Variants in GTF3C5 observed in about 807,000 individuals in gnomAD.
The protein encoded by GTF3C5 is general transcription factor IIIC subunit 5.
A neutral mutation model predicts 61.0 loss-of-function variants in GTF3C5; 47 were observed. The ratio of observed to expected loss-of-function variants is 0.77; its 90% CI spans 0.61 to 0.98. The LOEUF (loss-of-function observed/expected upper bound fraction) is 0.98, where lower values mean the gene tolerates loss of function less well. Ranked by LOEUF, GTF3C5 falls within the 50% of genes least tolerant of loss-of-function variation. GTF3C5 has a pLI of 0.00. For missense variants in GTF3C5, 659 were observed against 703.3 expected (o/e 0.94, Z 0.71); for synonymous variants, 295 against 275.4 (o/e 1.07, Z -0.71).
intron 3 of GTF3C5, among the ~76,000 whole-genome samples, chr9:133,045,044 A>G (rs1222128084): frequency 6.6e-6 from 1 of 152,218 alleles, no homozygotes; most frequent in East Asian, 1.9e-4. Context: ...GCATTGTCAA[A>G]TGTAGTCAAA....
At chr9:133,044,732 T>C (rs1850151360) in intron 3 of GTF3C5, among the ~76,000 whole-genome samples, 1 of 152,144 alleles carries the variant, frequency 6.6e-6, no homozygotes, top group African/African-American at 2.4e-5. Flanking sequence ...TCTGTGACTC[T>C]ACACAGCTCT....
Position 133,053,894 on chromosome 9 carries a change from A to G in GTF3C5, c.940A>G (p.Lys314Glu), listed in dbSNP as rs766156676. 2.5e-6 allele frequency: 4 copies of G among 1,613,368 alleles called. No homozygotes were observed. The highest frequency in any genetic ancestry group is 3.4e-6 in the Non-Finnish European group (4 of 1,179,468). ...TGACCCCCGAAAAAACCCAGATGCC[A>G]AGATTTATCAAGTCCTCGATTTCCG... Reference protein sequence around the residue: ...GYDPRKNPDAKIYQVLDFRIR... With the variant: ...GYDPRKNPDAEIYQVLDFRIR... The change falls in exon 6 of 11, where the codon AAG becomes GAG. Residue 314 changes from lysine to glutamate, a missense_variant. Physicochemically the swap from Lys to Glu is moderately conservative, Grantham distance 56. Coordinates refer to ENST00000372097, the MANE Select transcript of GTF3C5 (RefSeq NM_012087.4).
At chr9:133,044,734 C>T (rs1324874807) in intron 3 of GTF3C5, among the ~76,000 whole-genome samples, 1 of 152,178 alleles carries the variant, frequency 6.6e-6, no homozygotes, top group Non-Finnish European at 1.5e-5. Context: ...TGTGACTCTA[C>T]ACAGCTCTCG....
chr9:133,056,488 A>G (rs925012052), intron 9 of GTF3C5, among the ~76,000 whole-genome samples: 5 of 152,204 alleles, frequency 3.3e-5, no homozygotes, highest in Admixed American at 1.3e-4. Flanking sequence ...GAACACATCA[A>G]ATACATCTTG....
intron 1 of GTF3C5, among the ~76,000 whole-genome samples, chr9:133,040,853 AAAC>A (rs1342703224): frequency 6.6e-6 from 1 of 152,234 alleles, no homozygotes; most frequent in Non-Finnish European, 1.5e-5. Context: ...AAAATACATA[AAAC>A]AACAAGTTAT....
chr9:133,031,474 C>G (rs1429687263), intron 1 of GTF3C5, among the ~76,000 whole-genome samples: 1 of 152,128 alleles, frequency 6.6e-6, no homozygotes, highest in Non-Finnish European at 1.5e-5. Context: ...GCCTCAGCCT[C>G]CAGAGTAGCT....
chr9:133,031,852 T>C (rs1023890023), intron 1 of GTF3C5, among the ~76,000 whole-genome samples: 1 of 152,044 alleles, frequency 6.6e-6, no homozygotes. Flanking sequence ...TGAGTAGTTT[T>C]GGTGGGAAGG....
intron 3 of GTF3C5, chr9:133,044,213 T>C: frequency 2.3e-6 from 1 of 429,508 alleles, no homozygotes; most frequent in Non-Finnish European, 4.2e-6. Flanking sequence ...CGTATTGGGA[T>C]TGAATTTAAA....
intron 8 of GTF3C5, 149 bp downstream of exon 8, chr9:133,054,958 A>G (rs1238040567): frequency 5.8e-6 from 9 of 1,551,516 alleles, no homozygotes; most frequent in Non-Finnish European, 7.0e-6. Flanking sequence ...GCCTTCAGAC[A>G]CTGAGGGTGA....
At chr9:133,050,019 T>C (rs1352447635) in intron 3 of GTF3C5, among the ~76,000 whole-genome samples, 1 of 152,218 alleles carries the variant, frequency 6.6e-6, no homozygotes, top group Admixed American at 6.5e-5. Flanking sequence ...AACCCTTGGC[T>C]TTAACCCCTG....
chr9:133,055,243 G>A (rs1474008217), intron 8 of GTF3C5: 2 of 1,483,912 alleles, frequency 1.3e-6, no homozygotes, highest in African/African-American at 1.4e-5. Context: ...GCCCAGCGGG[G>A]GTTGGCGGTT....
intron 3 of GTF3C5, among the ~76,000 whole-genome samples, chr9:133,048,128 T>TAA: frequency 2.1e-5 from 3 of 142,920 alleles, no homozygotes; most frequent in South Asian, 4.4e-4. Flanking sequence ...GACCGTGTTT[T>TAA]AAAAAAAAAA....
intron 1 of GTF3C5, among the ~76,000 whole-genome samples, chr9:133,039,883 C>A (rs890748208): frequency 1.4e-4 from 22 of 152,208 alleles, no homozygotes; most frequent in African/African-American, 5.3e-4. Context: ...CAGACATCTA[C>A]ATGGTACAAG....
intron 1 of GTF3C5, among the ~76,000 whole-genome samples, chr9:133,037,229 T>C (rs1031328175): frequency 1.3e-5 from 2 of 152,140 alleles, no homozygotes; most frequent in Non-Finnish European, 2.9e-5. Flanking sequence ...TATATTACTG[T>C]AAACCACTGA....
upstream of GTF3C5, chr9:133,030,765 C>G: frequency 3.3e-6 from 2 of 608,996 alleles, no homozygotes; most frequent in East Asian, 5.7e-5. Flanking sequence ...GCTTGCCCCG[C>G]CCGGTGGACT....
At chr9:133,055,349 G>C in intron 8 of GTF3C5, 1 of 1,331,184 alleles carries the variant, frequency 7.5e-7, no homozygotes, top group Non-Finnish European at 9.8e-7. Flanking sequence ...ATCACCTGCT[G>C]AGGGAGTGGG....
intron 1 of GTF3C5, among the ~76,000 whole-genome samples, chr9:133,039,580 T>G (rs1849978518): frequency 6.6e-6 from 1 of 152,134 alleles, no homozygotes. Context: ...GTTTTTGGTA[T>G]TTTTTGTAGA....
At position 133,056,866 on chromosome 9, in the gene GTF3C5, A is replaced by G. The variant is rs1005369351; in HGVS notation, c.1351A>G (p.Met451Val). The G allele has an allele frequency of 2.5e-6, 4 of 1,609,628 alleles. No homozygotes were observed. Among genetic ancestry groups the G allele is most frequent in the Middle Eastern group, 1.6e-4 (1 of 6,076 alleles). Residue 451 changes from methionine (M) to valine (V), a missense_variant, in exon 10 of 11, where the codon ATG (methionine) becomes GTG (valine). Met to Val is a conservative substitution (Grantham distance 21). Transcript: ENST00000372097. ...PKTSDELRDT[M>V]SLMIRQTIRS... ...GACCAGCGACGAGCTCAGGGACACC[A>G]TGTCCCTCATGATCCGGCAGACCAT...
chr9:133,054,357 T>C, intron 6 of GTF3C5, 51 bp from the exon 7 acceptor site: 1 of 1,466,308 alleles, frequency 6.8e-7, no homozygotes, highest in Non-Finnish European at 9.6e-7. Flanking sequence ...CAGTGTTGTG[T>C]GCCGACGGGC....
Sources: allele counts gnomAD v4.1 joint callset (sites outside exome capture counted in the v4.1 genomes callset), GRCh38; gene constraint gnomAD v4.1.1; transcripts MANE v1.5; gene names NCBI Gene and HGNC (gene_info 2026-07-23, HGNC 2026-07-21).